Variants in NRXN3 observed in about 807,000 individuals in gnomAD.
NRXN3 encodes neurexin III.
Under a neutral mutation model 137.6 loss-of-function variants are expected in NRXN3, and 32 were observed. The ratio of observed to expected loss-of-function variants is 0.23; its 90% CI spans 0.18 to 0.31. The LOEUF (loss-of-function observed/expected upper bound fraction) is 0.31. Ranked by LOEUF, NRXN3 falls within the 10% of genes least tolerant of loss-of-function variation. The pLI is 1.00. For synonymous variants in NRXN3, 798 were observed against 784.5 expected (o/e 1.02, Z -0.29); for missense variants, 1,574 against 2,062.5 (o/e 0.76, Z 4.59).
At chr14:78,961,490 A>G (rs1052088643) in intron 11 of NRXN3, among the ~76,000 whole-genome samples, 1 of 152,210 alleles carries the variant, frequency 6.6e-6, no homozygotes, top group African/African-American at 2.4e-5. Flanking sequence ...AAAAAGAGAA[A>G]AACAGTAAGT....
At chr14:78,374,420 T>A (rs1327526842) in intron 4 of NRXN3, among the ~76,000 whole-genome samples, 1 of 152,226 alleles carries the variant, frequency 6.6e-6, no homozygotes, top group African/African-American at 2.4e-5. Context: ...CTTGTCAAAC[T>A]GTATTATTCT....
intron 20 of NRXN3, among the ~76,000 whole-genome samples, chr14:79,845,671 G>A (rs570822582): frequency 1.7e-5 from 2 of 114,536 alleles, no homozygotes; most frequent in Non-Finnish European, 3.5e-5. Flanking sequence ...GGAGAGAGAC[G>A]GAGACGGGGA....
chr14:79,751,198 C>T (rs954043641), intron 19 of NRXN3, among the ~76,000 whole-genome samples: 4 of 152,130 alleles, frequency 2.6e-5, no homozygotes, highest in Non-Finnish European at 5.9e-5. Context: ...TCTTCCTACC[C>T]ATGAGCATGG....
chr14:79,349,229 A>T (rs1161358434), intron 15 of NRXN3, among the ~76,000 whole-genome samples: 3 of 152,078 alleles, frequency 2.0e-5, no homozygotes, highest in Non-Finnish European at 4.4e-5. Context: ...GTCCAAGTGG[A>T]CATGCTAAAA....
rs548724293 is a variant in NRXN3, at chr14:78,588,937, A to T, written c.758-56183A>T. Among the ~76,000 whole-genome samples, 26 of 152,270 alleles carry T rather than the reference A, an allele frequency of 1.7e-4. No homozygotes were observed. In the South Asian group the frequency reaches 5.0e-3, roughly 29 times the overall value. On this transcript the variant is annotated intron_variant, in intron 4 of 20. Coordinates refer to ENST00000335750, the MANE Select transcript of NRXN3 (RefSeq NM_001330195.2). ...ATAGAAAATGTTGGAGGGAAAGACA[A>T]AAACACTCAACGACAACTTCACAAA...
chr14:79,335,269 G>T (rs2092157846), intron 15 of NRXN3, among the ~76,000 whole-genome samples: 2 of 152,158 alleles, frequency 1.3e-5, no homozygotes, highest in African/African-American at 2.4e-5. Context: ...GTATTTGTGT[G>T]TGTGTGTGCA....
At chr14:78,962,685 G>A (rs1022470732) in intron 11 of NRXN3, among the ~76,000 whole-genome samples, 3 of 152,024 alleles carry the variant, frequency 2.0e-5, no homozygotes, top group Admixed American at 6.6e-5. Context: ...TTAGCACACA[G>A]TGAAGCCAAT....
At chr14:78,266,095 T>C (rs2071652272) in intron 2 of NRXN3, among the ~76,000 whole-genome samples, 1 of 152,248 alleles carries the variant, frequency 6.6e-6, no homozygotes, top group African/African-American at 2.4e-5. Context: ...GCTTTTTCTC[T>C]GTTATCTCTG....
chr14:79,071,405 C>T (rs1001936836), intron 15 of NRXN3, among the ~76,000 whole-genome samples: 25 of 152,086 alleles, frequency 1.6e-4, no homozygotes, highest in African/African-American at 6.0e-4. Context: ...CCCAACAGGC[C>T]CCAGCGTGTG....
intron 16 of NRXN3, among the ~76,000 whole-genome samples, chr14:79,497,288 T>G (rs2096776224): frequency 6.6e-6 from 1 of 152,152 alleles, no homozygotes; most frequent in South Asian, 2.1e-4. Context: ...TAATCCCCCA[T>G]GAACCATTCT....
chr14:78,782,691 C>T (rs1448778298), intron 8 of NRXN3, among the ~76,000 whole-genome samples: 1 of 152,136 alleles, frequency 6.6e-6, no homozygotes, highest in Non-Finnish European at 1.5e-5. Flanking sequence ...TGAATAGTCT[C>T]CCAAAAGCTA....
intron 16 of NRXN3, among the ~76,000 whole-genome samples, chr14:79,589,547 A>G (rs957188762): frequency 9.8e-6 from 1 of 101,810 alleles, no homozygotes; most frequent in African/African-American, 4.3e-5. Context: ...GGAGTAGAAT[A>G]CCTAAAAAAA....
In NRXN3 at chr14:79,390,147, C is replaced by A. The variant is rs543695720; in HGVS notation, c.3263-77074C>A. 2.5e-3 allele frequency among the ~76,000 whole-genome samples: 379 copies of A among 152,074 alleles called. 1 individual carries two copies. The highest frequency in any genetic ancestry group is 8.9e-3 in the African/African-American group (369 of 41,478). Reference sequence around the variant, plus strand: ...CCTGGCTAACACAGTGAAACCCCGTCTCTACTAAGAATACAAAAAATTAGG... The same window carrying A: ...CCTGGCTAACACAGTGAAACCCCGTATCTACTAAGAATACAAAAAATTAGG... On this transcript the variant is annotated intron_variant, in intron 15 of 20. Transcript: ENST00000335750.
chr14:78,803,769 G>A lies in NRXN3; in HGVS notation c.2194G>A (p.Asp732Asn), dbSNP rs1225607419. ...GGCTACGACCTCCAGGGACTCTGCCGACACCCTGCGTCTGGAGCTGGATGG... is the reference window on the plus strand; with the variant it reads ...GGCTACGACCTCCAGGGACTCTGCCAACACCCTGCGTCTGGAGCTGGATGG... ...LVATTSRDSADTLRLELDGGR... is the reference protein window; with the variant it reads ...LVATTSRDSANTLRLELDGGR... The change falls in exon 9 of 21, where the codon GAC becomes AAC. Residue 732 changes from aspartate (D) to asparagine (N), a missense_variant. Coordinates refer to ENST00000335750, the MANE Select transcript of NRXN3 (RefSeq NM_001330195.2). 3.1e-6 allele frequency: 5 copies of A among 1,613,992 alleles called. No individual in the cohort carries two copies. Among genetic ancestry groups the A allele is most frequent in the African/African-American group, 1.3e-5 (1 of 75,028 alleles).
chr14:78,966,375 A>G lies in NRXN3; in HGVS notation c.2746A>G (p.Asn916Asp). Residue 916 changes from asparagine (N) to aspartate (D), a missense_variant, in exon 12 of 21, where the codon AAT becomes GAT. Asn to Asp is a conservative substitution (Grantham distance 23, BLOSUM62 1). Transcript: ENST00000335750. Reference sequence around the variant, plus strand: ...CATTCTCTTCAATAGTGGTGATGGCAATGACTTCATTGCAGTCGAGCTTGT... The same window carrying G: ...CATTCTCTTCAATAGTGGTGATGGCGATGACTTCATTGCAGTCGAGCTTGT... The part of the protein sequence containing the change: ...GFILFNSGDG[N>D]DFIAVELVKG... 6.2e-7 allele frequency: 1 copy of G among 1,613,938 alleles called. No homozygotes were observed. Among genetic ancestry groups the G allele is most frequent in the African/African-American group, 1.3e-5 (1 of 75,052 alleles).
intron 4 of NRXN3, among the ~76,000 whole-genome samples, chr14:78,597,782 T>C (rs1222551085): frequency 1.3e-5 from 2 of 152,228 alleles, no homozygotes; most frequent in Non-Finnish European, 2.9e-5. Flanking sequence ...CATATTTCAA[T>C]GTCCTTTCAT....
chr14:78,766,614 G>A (rs1595662337), intron 8 of NRXN3, among the ~76,000 whole-genome samples: 1 of 152,144 alleles, frequency 6.6e-6, no homozygotes, highest in Non-Finnish European at 1.5e-5. Flanking sequence ...TGTCTTCTTC[G>A]GATTCCATGC....
intron 15 of NRXN3, among the ~76,000 whole-genome samples, chr14:79,250,681 C>T (rs962562331): frequency 6.6e-6 from 1 of 152,186 alleles, no homozygotes; most frequent in Non-Finnish European, 1.5e-5. Flanking sequence ...GGAAATAACA[C>T]ACCTATCAAT....
At chr14:79,276,829 A>G (rs943940644) in intron 15 of NRXN3, among the ~76,000 whole-genome samples, 1 of 152,210 alleles carries the variant, frequency 6.6e-6, no homozygotes, top group African/African-American at 2.4e-5. Flanking sequence ...AGCAAAATTA[A>G]TGGCATAAGG....
Sources: gnomAD v4.1 joint callset for allele counts (sites outside exome capture counted in the v4.1 genomes callset) on GRCh38, gnomAD v4.1.1 for gene constraint, MANE v1.5 for transcripts, NCBI Gene and HGNC (gene_info 2026-07-23, HGNC 2026-07-21) for gene names.